CACNA2D1: variants seen among roughly 807,000 people sequenced by gnomAD.
CACNA2D1 encodes the protein calcium voltage-gated channel auxiliary subunit alpha2delta 1.
A neutral mutation model predicts 171.5 loss-of-function variants in CACNA2D1; 53 were observed. That is an observed-to-expected ratio of 0.31 (90% CI 0.25 to 0.39). CACNA2D1 has a LOEUF of 0.39. Among genes scored for constraint, CACNA2D1 ranks in the 10% least tolerant of loss-of-function variants. The pLI is 1.00. For synonymous variants in CACNA2D1, 442 were observed against 443.1 expected, an observed-to-expected ratio of 1.00 and a Z score of 0.03; for missense variants, 903 against 1,299.8, an observed-to-expected ratio of 0.69 and a Z score of 4.69.
chr7:81,954,595 C>T (rs1345542679), intron 38 of CACNA2D1, among the ~76,000 whole-genome samples: 3 of 152,024 alleles, frequency 2.0e-5, no homozygotes, highest in Non-Finnish European at 4.4e-5. Flanking sequence ...TAATTGCATA[C>T]AGTACAAGCT....
chr7:82,122,714 ATG>A (rs998266961), intron 5 of CACNA2D1, among the ~76,000 whole-genome samples: 1 of 152,220 alleles, frequency 6.6e-6, no homozygotes, highest in Non-Finnish European at 1.5e-5. Context: ...AAAAGGCACT[ATG>A]TGATTTTTAC....
intron 3 of CACNA2D1, among the ~76,000 whole-genome samples, chr7:82,330,680 C>T (rs1206555869): frequency 2.0e-5 from 3 of 152,218 alleles, no homozygotes; most frequent in Admixed American, 2.0e-4. Flanking sequence ...ACAGGATTCA[C>T]TGAAAAATTA....
intron 3 of CACNA2D1, among the ~76,000 whole-genome samples, chr7:82,181,884 A>G (rs1267670347): frequency 6.6e-6 from 1 of 152,210 alleles, no homozygotes; most frequent in Non-Finnish European, 1.5e-5. Flanking sequence ...TGCTTTTTAG[A>G]CAAAATATGT....
At chr7:82,241,352 A>G (rs997488588) in intron 3 of CACNA2D1, among the ~76,000 whole-genome samples, 5 of 152,162 alleles carry the variant, frequency 3.3e-5, no homozygotes, top group Non-Finnish European at 7.4e-5. Flanking sequence ...TCTACACCAC[A>G]AGGTAACTGC....
In CACNA2D1 at chr7:81,991,228, T is replaced by A; in HGVS notation, c.1753A>T (p.Asn585Tyr). 5 of 1,532,490 alleles carry A rather than the reference T, an allele frequency of 3.3e-6. No individual in the cohort carries two copies. The highest frequency in any genetic ancestry group is 4.5e-6 in the Non-Finnish European group (5 of 1,105,930). 94.9% of individuals were successfully genotyped at this position (1,532,490 alleles called of 1,614,324 possible). A position where few individuals can be genotyped will look rare whatever the true frequency, so the allele number is the denominator to read the frequency against. ...ACAGGTGTCCATGTGTATGTCCTGT[T>A]TCCTTTGTCAATATATCTCTAGAAA... ...SQDERYIDKG[N>Y]RTYTWTPVNG... Residue 585 changes from asparagine (N) to tyrosine (Y), a missense_variant, in exon 21 of 39, where the codon AAC (asparagine) becomes TAC (tyrosine). By Grantham distance (143) the Asn-to-Tyr change is moderately radical. Coordinates refer to ENST00000356860, the MANE Select transcript of CACNA2D1 (RefSeq NM_000722.4).
chr7:82,007,754 T>C lies in CACNA2D1; in HGVS notation c.1365A>G (p.Glu455=). ...GAGTTCCAGTAATGACAAGTCCCAG[T>C]TCCTAAAAATAGATTCAGAGAGAAA... ...QWTNVYLDAL[E]LGLVITGTLP... is the part of the protein sequence containing the mutation. Residue 455 remains glutamate (E), a splice_region_variant and synonymous_variant, in exon 16 of 39, where the codon GAA becomes GAG. Coordinates refer to ENST00000356860, the MANE Select transcript of CACNA2D1 (RefSeq NM_000722.4). 6.3e-7 allele frequency: 1 copy of C among 1,574,842 alleles called. No individual in the cohort carries two copies. The highest frequency in any genetic ancestry group is 8.7e-7 in the Non-Finnish European group (1 of 1,144,640).
intron 3 of CACNA2D1, among the ~76,000 whole-genome samples, chr7:82,179,936 C>T (rs1224065344): frequency 6.8e-6 from 1 of 147,672 alleles, no homozygotes; most frequent in Non-Finnish European, 1.5e-5. Flanking sequence ...AAAAAAAAAG[C>T]CATCTTAAAT....
At chr7:82,127,397 T>C (rs2129064612) in intron 5 of CACNA2D1, among the ~76,000 whole-genome samples, 1 of 152,314 alleles carries the variant, frequency 6.6e-6, no homozygotes, top group South Asian at 2.1e-4. Flanking sequence ...GCTTACAATA[T>C]AGCACCACTT....
intron 20 of CACNA2D1, among the ~76,000 whole-genome samples, chr7:81,992,326 A>T (rs1307120838): frequency 6.6e-6 from 1 of 152,108 alleles, no homozygotes; most frequent in African/African-American, 2.4e-5. Flanking sequence ...TGATGAAGAA[A>T]TAAGTGTTAA....
chr7:82,009,202 C>G (rs191736905), intron 15 of CACNA2D1: 1 of 152,064 alleles, frequency 6.6e-6, no homozygotes, highest in African/African-American at 2.4e-5. Context: ...TGCTGCCTGG[C>G]GAAGAGATGC....
chr7:82,319,208 A>G (rs2129437259), intron 3 of CACNA2D1, among the ~76,000 whole-genome samples: 1 of 152,334 alleles, frequency 6.6e-6, no homozygotes, highest in African/African-American at 2.4e-5. Context: ...TTAAGGTCTC[A>G]TATAAGATAC....
chr7:82,332,498 A>T (rs934015685), intron 3 of CACNA2D1, among the ~76,000 whole-genome samples: 1 of 125,788 alleles, frequency 7.9e-6, no homozygotes, highest in Non-Finnish European at 1.7e-5. Flanking sequence ...GCATAGAAAT[A>T]AAAAAGAAAT....
In CACNA2D1 at chr7:82,154,908, C is replaced by G. The variant is rs188508809; in HGVS notation, c.354+15642G>C. 2.0e-3 allele frequency among the ~76,000 whole-genome samples: 311 copies of G among 152,164 alleles called. 1 individual carries two copies. The highest frequency in any genetic ancestry group is 7.1e-3 in the African/African-American group (296 of 41,504). ...CCCAAGTCTCCTGTCAAATTGTAATCCTCAGTGTTGGAGATGGGGCCTGGT... is the reference window on the plus strand; with the variant it reads ...CCCAAGTCTCCTGTCAAATTGTAATGCTCAGTGTTGGAGATGGGGCCTGGT... On this transcript the variant is annotated intron_variant, in intron 4 of 38. Transcript: ENST00000356860.
chr7:82,060,587 A>G lies in CACNA2D1; in HGVS notation c.780-60T>C, dbSNP rs972505605. The G allele has an allele frequency of 3.1e-6, 3 of 964,490 alleles. No homozygotes were observed. The African/African-American group carries it at 4.8e-5, about 15-fold the overall frequency. The allele number at this position is 964,490 out of a possible 1,614,324, so 59.7% of individuals were successfully genotyped here. Reference sequence around the variant, plus strand: ...CATCATGTATTTAATCAAGAACATCATAAGGAAAGATAATGTATGCACTGA... The same window carrying G: ...CATCATGTATTTAATCAAGAACATCGTAAGGAAAGATAATGTATGCACTGA... On this transcript the variant is annotated intron_variant, in intron 9 of 38. Transcript: ENST00000356860.
At chr7:82,081,446 G>A (rs1389071613) in intron 7 of CACNA2D1, among the ~76,000 whole-genome samples, 1 of 152,056 alleles carries the variant, frequency 6.6e-6, no homozygotes, top group East Asian at 1.9e-4. Flanking sequence ...TATCATTACT[G>A]TCATAAAGAG....
intron 38 of CACNA2D1, among the ~76,000 whole-genome samples, chr7:81,958,041 C>T (rs905773419): frequency 2.6e-5 from 4 of 151,798 alleles, no homozygotes; most frequent in Admixed American, 1.3e-4. Flanking sequence ...GGGCAACGTG[C>T]TGAAGTTGCA....
intron 1 of CACNA2D1, among the ~76,000 whole-genome samples, chr7:82,351,349 T>C (rs1347707493): frequency 6.6e-6 from 1 of 151,596 alleles, no homozygotes; most frequent in Admixed American, 6.6e-5. Context: ...ATGGAAGAGA[T>C]TTAAATGACA....
chr7:82,110,185 C>A (rs1788209354), intron 6 of CACNA2D1, among the ~76,000 whole-genome samples: 2 of 152,178 alleles, frequency 1.3e-5, no homozygotes, highest in African/African-American at 4.8e-5. Context: ...CCGCAGCTTT[C>A]CATTTATGTT....
At chr7:82,169,895 T>G (rs1397450530) in intron 4 of CACNA2D1, among the ~76,000 whole-genome samples, 1 of 151,680 alleles carries the variant, frequency 6.6e-6, no homozygotes, top group South Asian at 2.1e-4. Context: ...AGAGGATAGA[T>G]AAATGATAGA....
Sources: gnomAD v4.1 joint callset for allele counts (sites outside exome capture counted in the v4.1 genomes callset) on GRCh38, gnomAD v4.1.1 for gene constraint, MANE v1.5 for transcripts, NCBI Gene and HGNC (gene_info 2026-07-23, HGNC 2026-07-21) for gene names.